ADAMTS17: variants seen among roughly 807,000 people sequenced by gnomAD.
ADAMTS17 encodes the protein ADAM metallopeptidase with thrombospondin type 1 motif 17.
ADAMTS17 carries 113 observed loss-of-function variants against 141.5 expected under a neutral mutation model. The observed-to-expected ratio is 0.80, with a 90% CI of 0.69 to 0.93. The LOEUF is 0.93. ADAMTS17 is among the 40% of genes least tolerant of loss of function. The pLI, the probability that ADAMTS17 is intolerant of heterozygous loss-of-function variation, is 0.00. For synonymous variants in ADAMTS17, 768 were observed against 630.6 expected, an observed-to-expected ratio of 1.22 and a Z score of -3.27; for missense variants, 1,659 against 1,517.9, an observed-to-expected ratio of 1.09 and a Z score of -1.54.
intron 3 of ADAMTS17, among the ~76,000 whole-genome samples, chr15:100,313,340 T>G (rs1231744668): frequency 1.3e-5 from 2 of 152,220 alleles, no homozygotes; most frequent in Non-Finnish European, 2.9e-5. Context: ...AAATGAGATT[T>G]ATTCCAGAAT....
Position 100,141,985 on chromosome 15 carries a change from A to C in ADAMTS17, c.1474-8670T>G, listed in dbSNP as rs565406575. 3.9e-5 allele frequency among the ~76,000 whole-genome samples: 6 copies of C among 152,326 alleles called. No individual in the cohort carries two copies. In the South Asian group the frequency reaches 1.2e-3, roughly 32 times the overall value. On this transcript the variant is annotated intron_variant, in intron 10 of 21. Coordinates refer to ENST00000268070, the MANE Select transcript of ADAMTS17 (RefSeq NM_139057.4). ...CCAGCCACCCATTCTGGCCAGGTCC[A>C]CCAGCATTAAAGGGACAGACCTCAT...
intron 20 of ADAMTS17, among the ~76,000 whole-genome samples, chr15:99,984,587 G>A (rs908688442): frequency 6.6e-5 from 10 of 152,354 alleles, no homozygotes; most frequent in African/African-American, 1.9e-4. Context: ...CCCTGTGCCA[G>A]CACTGGGGTG....
intron 7 of ADAMTS17, among the ~76,000 whole-genome samples, chr15:100,224,026 C>G (rs1314061573): frequency 1.3e-5 from 2 of 152,066 alleles, no homozygotes; most frequent in African/African-American, 4.8e-5. Context: ...CTCCTTTTCA[C>G]GTTTTTCTTA....
chr15:100,041,790 T>A (rs1356458765), intron 18 of ADAMTS17, among the ~76,000 whole-genome samples: 1 of 152,124 alleles, frequency 6.6e-6, no homozygotes, highest in Non-Finnish European at 1.5e-5. Flanking sequence ...AAAGTGGTGC[T>A]AATGGTGTGC....
At chr15:100,039,868 C>A (rs2031089597) in intron 18 of ADAMTS17, among the ~76,000 whole-genome samples, 1 of 152,172 alleles carries the variant, frequency 6.6e-6, no homozygotes, top group African/African-American at 2.4e-5. Flanking sequence ...TCATTTCTGT[C>A]AGTTTTGCTC....
At chr15:100,270,941 G>A (rs1022928881) in intron 4 of ADAMTS17, among the ~76,000 whole-genome samples, 4 of 151,490 alleles carry the variant, frequency 2.6e-5, no homozygotes, top group Admixed American at 6.6e-5. Flanking sequence ...TCTGGCCAGC[G>A]CTATTCGACT....
intron 12 of ADAMTS17, among the ~76,000 whole-genome samples, chr15:100,119,512 T>G (rs1187702843): frequency 6.6e-6 from 1 of 152,272 alleles, no homozygotes; most frequent in Non-Finnish European, 1.5e-5. Context: ...TGAGTGGTTA[T>G]CGAGCTTCCT....
intron 7 of ADAMTS17, among the ~76,000 whole-genome samples, chr15:100,244,574 AAG>A: frequency 6.6e-6 from 1 of 152,044 alleles, no homozygotes; most frequent in East Asian, 2.0e-4. Flanking sequence ...TTTCATAAAG[AAG>A]AGTCATGCCT....
At chr15:100,185,929 T>G (rs1683425503) in intron 8 of ADAMTS17, among the ~76,000 whole-genome samples, 1 of 152,152 alleles carries the variant, frequency 6.6e-6, no homozygotes, top group South Asian at 2.1e-4. Context: ...TTTCCGAAGA[T>G]GAGGCTGGTG....
Position 100,330,972 on chromosome 15 carries a change from TG to T in ADAMTS17, c.532del (p.His178IlefsTer2). ...NSQGPFSGREHLIRRKWSLTP... is the reference protein window; with the variant it reads ...NSQGPFSGREXLIRRKWSLTP... ...CAAGGACCATTTGCGCCTGATCAGA[TG>T]TTCTCGTCCACTGAATGGGCCCTGG... On this transcript the variant is annotated frameshift_variant, in exon 3 of 22. Transcript: ENST00000268070. LOFTEE classifies it high-confidence loss of function. 1 of 1,614,142 alleles carries T rather than the reference TG, an allele frequency of 6.2e-7. No individual in the cohort carries two copies. Among genetic ancestry groups the T allele is most frequent in the Non-Finnish European group, 8.5e-7 (1 of 1,180,034 alleles).
chr15:100,190,209 C>T (rs989437025), intron 8 of ADAMTS17, among the ~76,000 whole-genome samples: 8 of 152,192 alleles, frequency 5.3e-5, no homozygotes, highest in African/African-American at 1.9e-4. Flanking sequence ...AAGGCCATTC[C>T]CAGATCCTCA....
intron 3 of ADAMTS17, among the ~76,000 whole-genome samples, chr15:100,296,570 G>A (rs569979875): frequency 8.1e-6 from 1 of 123,708 alleles, no homozygotes. Context: ...GTTTGGAGGG[G>A]GTGAGGGGGG....
intron 18 of ADAMTS17, among the ~76,000 whole-genome samples, chr15:100,012,562 T>C (rs1192586514): frequency 6.6e-6 from 1 of 152,240 alleles, no homozygotes; most frequent in Non-Finnish European, 1.5e-5. Flanking sequence ...ATTTCTGTTA[T>C]TAGGTGAGAG....
chr15:100,279,541 C>T (rs1198864494), intron 4 of ADAMTS17, among the ~76,000 whole-genome samples: 1 of 152,234 alleles, frequency 6.6e-6, no homozygotes, highest in African/African-American at 2.4e-5. Context: ...TGTCCTCTCG[C>T]GTCACTCCCT....
At chr15:100,028,629 G>A (rs2029869336) in intron 18 of ADAMTS17, among the ~76,000 whole-genome samples, 1 of 152,220 alleles carries the variant, frequency 6.6e-6, no homozygotes. Context: ...GCCCTCTGAG[G>A]TAGGAACTCT....
intron 10 of ADAMTS17, among the ~76,000 whole-genome samples, chr15:100,148,826 TA>T (rs75732846): frequency 0.017 from 2,389 of 139,828 alleles, 24 homozygotes; most frequent in East Asian, 0.039. Flanking sequence ...AAGCTTATAT[TA>T]AAAAAAAAAA....
intron 7 of ADAMTS17, among the ~76,000 whole-genome samples, chr15:100,207,813 G>A (rs78032415): frequency 0.047 from 7,116 of 152,168 alleles, 210 homozygotes; most frequent in Non-Finnish European, 0.071. Flanking sequence ...CACCAGGGAG[G>A]GAGGTGAGAG....
chr15:100,156,092 A>C lies in ADAMTS17; in HGVS notation c.1182-772T>G, dbSNP rs572227116. ...ACAACAAAAAAGAACATGTACTTTC[A>C]TTCATTCAAAAATATTAGACACTTT... On this transcript the variant is annotated intron_variant, in intron 8 of 21. Coordinates refer to ENST00000268070, the MANE Select transcript of ADAMTS17 (RefSeq NM_139057.4). Among the ~76,000 whole-genome samples, 16 of 152,354 alleles carry C rather than the reference A, an allele frequency of 1.1e-4. No homozygotes were observed. In the South Asian group the frequency reaches 3.3e-3, roughly 32 times the overall value.
intron 18 of ADAMTS17, among the ~76,000 whole-genome samples, chr15:100,030,044 C>T (rs2029979682): frequency 6.6e-6 from 1 of 152,172 alleles, no homozygotes; most frequent in South Asian, 2.1e-4. Flanking sequence ...GAGGCCTGAG[C>T]CTTGCTTCGG....
Sources: gnomAD v4.1 joint callset for allele counts (sites outside exome capture counted in the v4.1 genomes callset) on GRCh38, gnomAD v4.1.1 for gene constraint, MANE v1.5 for transcripts, NCBI Gene and HGNC (gene_info 2026-07-23, HGNC 2026-07-21) for gene names.